The following ST18 variants were observed in gnomAD, a reference collection of about 807,000 sequenced individuals.
The protein encoded by ST18 is ST18 C2H2C-type zinc finger transcription factor, also known as suppression of tumorigenicity 18 protein.
ST18 carries 50 observed loss-of-function variants against 110.0 expected under a neutral mutation model. That is an observed-to-expected ratio of 0.45 (90% CI 0.36 to 0.58). The LOEUF (loss-of-function observed/expected upper bound fraction) is 0.58. ST18 is among the 20% of genes least tolerant of loss of function. The pLI is 0.00. For synonymous variants in ST18, 461 were observed against 452.4 expected (o/e 1.02, Z -0.24); for missense variants, 1,306 against 1,280.1 (o/e 1.02, Z -0.31).
At chr8:52,214,433 G>C in intron 6 of ST18, 176 bp from the exon 7 acceptor site, 1 of 591,918 alleles carries the variant, frequency 1.7e-6, no homozygotes, top group East Asian at 2.8e-5. Context: ...ACCAGCTTTG[G>C]AAATACATCT....
At chr8:52,184,577 C>T (rs1434127531) in intron 8 of ST18, among the ~76,000 whole-genome samples, 1 of 152,102 alleles carries the variant, frequency 6.6e-6, no homozygotes, top group African/African-American at 2.4e-5. Context: ...CAATTCTGCA[C>T]TGGAAGTATG....
intron 2 of ST18, among the ~76,000 whole-genome samples, chr8:52,264,645 C>T (rs2094809764): frequency 1.3e-5 from 2 of 152,138 alleles, no homozygotes; most frequent in Admixed American, 1.3e-4. Flanking sequence ...TCCTTGTGAA[C>T]AAGAGTCCTG....
At chr8:52,408,880 CTTA>C (rs1343631106) in intron 2 of ST18, 12 of 152,182 alleles carry the variant, frequency 7.9e-5, no homozygotes, top group African/African-American at 2.7e-4. Flanking sequence ...ATATTTGATG[CTTA>C]TTATGTGAAA....
At chr8:52,272,369 C>A (rs1292578364) in intron 2 of ST18, among the ~76,000 whole-genome samples, 2 of 145,736 alleles carry the variant, frequency 1.4e-5, no homozygotes, top group Non-Finnish European at 2.9e-5. Context: ...TCTAATAACC[C>A]AATTTAAAAA....
chr8:52,340,092 C>T (rs186700973), intron 2 of ST18, among the ~76,000 whole-genome samples: 11 of 152,356 alleles, frequency 7.2e-5, no homozygotes, highest in Admixed American at 3.9e-4. Flanking sequence ...CATATATATA[C>T]TGACTAAAAG....
chr8:52,402,097 G>A (rs565193565), intron 2 of ST18, among the ~76,000 whole-genome samples: 1 of 152,182 alleles, frequency 6.6e-6, no homozygotes, highest in African/African-American at 2.4e-5. Flanking sequence ...GTCTTCGGCT[G>A]TAGGAGTTTG....
chr8:52,267,724 C>G (rs1319399905), intron 2 of ST18, among the ~76,000 whole-genome samples: 1 of 151,468 alleles, frequency 6.6e-6, no homozygotes, highest in Admixed American at 6.6e-5. Context: ...ATGTTAAGCA[C>G]AGAAAAAATG....
intron 2 of ST18, among the ~76,000 whole-genome samples, chr8:52,312,041 C>T (rs997292818): frequency 6.6e-6 from 1 of 152,296 alleles, no homozygotes; most frequent in Non-Finnish European, 1.5e-5. Context: ...GCATTAACCT[C>T]TCATAAGACC....
At chr8:52,137,546 C>A in intron 17 of ST18, 63 bp from the exon 18 acceptor site, 2 of 1,549,922 alleles carry the variant, frequency 1.3e-6, no homozygotes, top group South Asian at 1.1e-5. Context: ...TTCCTCTGCC[C>A]AGTAGATTAC....
chr8:52,147,615 G>C (rs2057685051), intron 16 of ST18, among the ~76,000 whole-genome samples: 1 of 151,948 alleles, frequency 6.6e-6, no homozygotes, highest in South Asian at 2.1e-4. Flanking sequence ...GTGCCACTCT[G>C]CATACGGCAT....
At chr8:52,390,015 C>G (rs1336783769) in intron 2 of ST18, among the ~76,000 whole-genome samples, 1 of 151,988 alleles carries the variant, frequency 6.6e-6, no homozygotes, top group African/African-American at 2.4e-5. Context: ...CTCTCTTGTC[C>G]AAATAGAATG....
intron 2 of ST18, among the ~76,000 whole-genome samples, chr8:52,253,697 A>G (rs552358105): frequency 1.3e-5 from 2 of 152,258 alleles, no homozygotes; most frequent in East Asian, 1.9e-4. Context: ...GATCTCCCCA[A>G]TTCTAGAGAG....
At chr8:52,237,524 G>A (rs1368953279) in intron 2 of ST18, among the ~76,000 whole-genome samples, 1 of 152,154 alleles carries the variant, frequency 6.6e-6, no homozygotes, top group Non-Finnish European at 1.5e-5. Context: ...CACAGCTCCT[G>A]AGGAGTAGCA....
chr8:52,274,547 A>G (rs534612191), intron 2 of ST18, among the ~76,000 whole-genome samples: 2 of 141,418 alleles, frequency 1.4e-5, no homozygotes, highest in East Asian at 3.9e-4. Flanking sequence ...TTCTGTCAAA[A>G]ATCAGCCATT....
intron 2 of ST18, among the ~76,000 whole-genome samples, chr8:52,241,750 T>C (rs2093424779): frequency 1.3e-5 from 2 of 152,274 alleles, no homozygotes; most frequent in South Asian, 4.1e-4. Flanking sequence ...TTAAAAACTT[T>C]AGTACATGAA....
At chr8:52,215,329 C>T (rs1246357194) in intron 6 of ST18, among the ~76,000 whole-genome samples, 1 of 152,196 alleles carries the variant, frequency 6.6e-6, no homozygotes, top group Admixed American at 6.5e-5. Context: ...ATTCGACGCT[C>T]TCCAAGGTCC....
Position 52,149,926 on chromosome 8 carries a change from T to G in ST18, c.1858A>C (p.Lys620Gln), listed in dbSNP as rs775469075. 6.2e-7 allele frequency: 1 copy of G among 1,614,180 alleles called. No homozygotes were observed. Among genetic ancestry groups the G allele is most frequent in the Non-Finnish European group, 8.5e-7 (1 of 1,180,018 alleles). The change falls in exon 16 of 26, where the codon AAA (lysine) becomes CAA (glutamine). Residue 620 changes from lysine (K) to glutamine (Q), a missense_variant. Coordinates refer to ENST00000689386, the MANE Select transcript of ST18 (RefSeq NM_001352837.2). Reference sequence around the variant, plus strand: ...GCAGACTTGTCCAGGATTCGATTTTTTTTCATGCTTAAGTCCAATGTGCCA... The same window carrying G: ...GCAGACTTGTCCAGGATTCGATTTTGTTTCATGCTTAAGTCCAATGTGCCA... ...ENGTLDLSMK[K>Q]NRILDKSAPL...
intron 2 of ST18, among the ~76,000 whole-genome samples, chr8:52,384,192 C>T (rs1248023714): frequency 6.6e-6 from 1 of 152,060 alleles, no homozygotes; most frequent in Admixed American, 6.5e-5. Flanking sequence ...TATTTCTATC[C>T]CCTGGCAATT....
At chr8:52,319,996 G>A (rs1187144864) in intron 2 of ST18, among the ~76,000 whole-genome samples, 1 of 152,112 alleles carries the variant, frequency 6.6e-6, no homozygotes, top group African/African-American at 2.4e-5. Flanking sequence ...TACTTTACTG[G>A]TTGAAACAAA....
Sources: gnomAD v4.1 joint callset for allele counts (sites outside exome capture counted in the v4.1 genomes callset) on GRCh38, gnomAD v4.1.1 for gene constraint, MANE v1.5 for transcripts, NCBI Gene and HGNC (gene_info 2026-07-23, HGNC 2026-07-21) for gene names.